STAB2: variants seen among roughly 807,000 people sequenced by gnomAD.
STAB2 encodes stabilin 2, also known as stabilin-2.
A neutral mutation model predicts 338.1 loss-of-function variants in STAB2; 288 were observed. The ratio of observed to expected loss-of-function variants is 0.85; its 90% confidence interval spans 0.77 to 0.94. The LOEUF is 0.94. STAB2 is among the 40% of genes least tolerant of loss of function. STAB2 has a pLI of 0.00. For synonymous variants in STAB2, 1,202 were observed against 1,193.3 expected, an observed-to-expected ratio of 1.01 and a Z score of -0.15; for missense variants, 3,141 against 3,210.1, an observed-to-expected ratio of 0.98 and a Z score of 0.52.
chr12:103,740,884 C>G, intron 55 of STAB2, 128 bp downstream of exon 55: 1 of 1,327,252 alleles, frequency 7.5e-7, no homozygotes, highest in Non-Finnish European at 1.0e-6. Flanking sequence ...TTCCCAGACC[C>G]CAGAACTCTG....
At chr12:103,705,487 A>G (rs149692721) in intron 36 of STAB2, 145 bp from the exon 37 acceptor site, 515 of 633,556 alleles carry the variant, frequency 8.1e-4, no homozygotes, top group African/African-American at 7.5e-3. Context: ...TTCTTGCTTA[A>G]GAAGCAGTGC....
At chr12:103,648,911 G>A in intron 10 of STAB2, 88 bp downstream of exon 10, 2 of 1,535,840 alleles carry the variant, frequency 1.3e-6, no homozygotes, top group Non-Finnish European at 1.8e-6. Context: ...AAAGGGACAG[G>A]CGAGCCTTGT....
rs1192153126 is a variant in STAB2, at chr12:103,733,199, C to T, written c.5460+17C>T. The T allele has an allele frequency of 1.2e-6, 2 of 1,611,936 alleles. No homozygotes were observed. Among genetic ancestry groups the T allele is most frequent in the Non-Finnish European group, 1.7e-6 (2 of 1,178,864 alleles). ...GATGCCAAGGTATTTAGTTTACATGCAGACATAAGTGCAAGAATGTCCCAG... is the reference window on the plus strand; with the variant it reads ...GATGCCAAGGTATTTAGTTTACATGTAGACATAAGTGCAAGAATGTCCCAG... On this transcript the variant is annotated intron_variant, in intron 51 of 68. Transcript: ENST00000388887.
intron 33 of STAB2, among the ~76,000 whole-genome samples, chr12:103,696,818 A>G (rs1424196036): frequency 6.6e-6 from 1 of 152,140 alleles, no homozygotes; most frequent in South Asian, 2.1e-4. Flanking sequence ...GGACACCTGC[A>G]TGCTTGTTCC....
chr12:103,665,956 C>G (rs1212998243), intron 18 of STAB2, among the ~76,000 whole-genome samples: 2 of 152,224 alleles, frequency 1.3e-5, no homozygotes, highest in Non-Finnish European at 2.9e-5. Flanking sequence ...ACTGCAATGT[C>G]CCCTCAGGGG....
intron 59 of STAB2, among the ~76,000 whole-genome samples, chr12:103,749,841 C>CAAAAAAAAAAAAAAAAAAA (rs369556936): frequency 1.6e-4 from 8 of 51,132 alleles, no homozygotes; most frequent in African/African-American, 2.8e-4. Context: ...CTCTGTCTCA[C>CAAAAAAAAAAAAAAAAAAA]AAAAAAAAAA....
rs1883544254 is a variant in STAB2 at position 103,750,577 on chromosome 12, A to G, written c.6439-2A>G. ...TCATCTCTTCCCACTCTCCCTCCAC[A>G]GGGCAAGCACAAGTGTGAGTGTAAA... On this transcript the variant is annotated splice_acceptor_variant, in intron 59 of 68. Transcript: ENST00000388887. LOFTEE classifies it high-confidence loss of function. 3.1e-6 allele frequency: 5 copies of G among 1,613,810 alleles called. No individual in the cohort carries two copies. In the Admixed American group the frequency reaches 5.0e-5, roughly 16 times the overall value.
At chr12:103,596,457 A>T (rs1308332194) in intron 3 of STAB2, among the ~76,000 whole-genome samples, 1 of 152,192 alleles carries the variant, frequency 6.6e-6, no homozygotes, top group Middle Eastern at 3.2e-3. Context: ...CCTACTCCTT[A>T]TTCTCCTCAT....
intron 53 of STAB2, among the ~76,000 whole-genome samples, chr12:103,738,044 T>C (rs4143656): frequency 0.99 from 151,114 of 152,300 alleles, 74,967 homozygotes; most frequent in East Asian, 1. Flanking sequence ...GAAAACAGTT[T>C]TTGGATACCA....
chr12:103,597,108 C>G (rs1224551362), intron 3 of STAB2, among the ~76,000 whole-genome samples: 4 of 152,126 alleles, frequency 2.6e-5, no homozygotes. Flanking sequence ...AAACGGTACT[C>G]CTCTTTATCT....
At chr12:103,619,483 G>A (rs972951534) in intron 3 of STAB2, among the ~76,000 whole-genome samples, 1 of 152,070 alleles carries the variant, frequency 6.6e-6, no homozygotes, top group Non-Finnish European at 1.5e-5. Flanking sequence ...TGTGGGCATT[G>A]TAATTTCTGG....
chr12:103,735,711 A>C, intron 52 of STAB2, 131 bp downstream of exon 52: 22 of 729,314 alleles, frequency 3.0e-5, no homozygotes, highest in South Asian at 4.4e-5. Context: ...TTTTTTTCTC[A>C]CTACCTTCAG....
At chr12:103,676,278 G>GA (rs1876360935) in intron 24 of STAB2, among the ~76,000 whole-genome samples, 1 of 151,742 alleles carries the variant, frequency 6.6e-6, no homozygotes, top group African/African-American at 2.4e-5. Context: ...AGGCTGGTCT[G>GA]AAACTCCTGA....
At chr12:103,636,559 G>A (rs1957551550) in intron 6 of STAB2, among the ~76,000 whole-genome samples, 1 of 152,002 alleles carries the variant, frequency 6.6e-6, no homozygotes, top group Non-Finnish European at 1.5e-5. Flanking sequence ...TGCCCCATGG[G>A]AATTGAGGTT....
rs763754980 is a variant in STAB2, at chr12:103,655,503, A to G, written c.1656A>G (p.Pro552=). 2 of 1,614,058 alleles carry G rather than the reference A, an allele frequency of 1.2e-6. No homozygotes were observed. Among genetic ancestry groups the G allele is most frequent in the South Asian group, 1.1e-5 (1 of 91,078 alleles). The part of the protein sequence containing the change: ...HALDEDGVGG[P]YTIFVPNNEA... ...TAGATGAGGATGGAGTTGGTGGACC[A>G]TACACCATTTTTGTTCCAAATAATG... The change falls in exon 15 of 69, where the codon CCA becomes CCG. Residue 552 remains proline (P), a synonymous_variant. Coordinates refer to ENST00000388887, the MANE Select transcript of STAB2 (RefSeq NM_017564.10).
chr12:103,717,945 C>A, intron 44 of STAB2, 104 bp downstream of exon 44: 2 of 1,137,130 alleles, frequency 1.8e-6, no homozygotes, highest in Non-Finnish European at 2.6e-6. Flanking sequence ...CCTCTGGAGG[C>A]CTCAGAGCTG....
At chr12:103,637,927 G>A (rs1957575282) in intron 7 of STAB2, 89 bp from the exon 8 acceptor site, 1 of 1,346,582 alleles carries the variant, frequency 7.4e-7, no homozygotes, top group Non-Finnish European at 1.0e-6. Flanking sequence ...AGTTGCCTTT[G>A]AGGTTTTGAT....
At chr12:103,714,757 T>C (rs1166853456) in intron 42 of STAB2, among the ~76,000 whole-genome samples, 1 of 152,204 alleles carries the variant, frequency 6.6e-6, no homozygotes, top group Non-Finnish European at 1.5e-5. Flanking sequence ...TTTTAAGCCA[T>C]TTGAGAGTAA....
intron 10 of STAB2, among the ~76,000 whole-genome samples, chr12:103,650,047 T>C (rs888262367): frequency 5.9e-5 from 9 of 151,992 alleles, no homozygotes; most frequent in Non-Finnish European, 1.0e-4. Flanking sequence ...GGATTCTTTG[T>C]TCAAAATTTA....
Sources: allele counts gnomAD v4.1 joint callset (sites outside exome capture counted in the v4.1 genomes callset), GRCh38; gene constraint gnomAD v4.1.1; transcripts MANE v1.5; gene names NCBI Gene and HGNC (gene_info 2026-07-23, HGNC 2026-07-21).